The following NKAIN2 variants were observed in gnomAD, a reference collection of about 807,000 sequenced individuals.
The protein encoded by NKAIN2 is sodium/potassium transporting ATPase interacting 2, also known as sodium/potassium-transporting ATPase subunit beta-1-interacting protein 2.
In NKAIN2, 14 loss-of-function variants were observed where a neutral mutation model predicts 32.6. The observed-to-expected ratio is 0.43, with a 90% CI of 0.28 to 0.67. The LOEUF (loss-of-function observed/expected upper bound fraction) is 0.67, where lower values mean the gene tolerates loss of function less well. Among genes scored for constraint, NKAIN2 ranks in the 30% least tolerant of loss-of-function variants. The pLI, the probability that NKAIN2 is intolerant of heterozygous loss-of-function variation, is 0.17. For missense variants in NKAIN2, 198 were observed against 258.3 expected, an observed-to-expected ratio of 0.77 and a Z score of 1.60; for synonymous variants, 80 against 87.2, an observed-to-expected ratio of 0.92 and a Z score of 0.46.
At chr6:124,373,955 G>A (rs544292291) in intron 3 of NKAIN2, among the ~76,000 whole-genome samples, 13 of 152,172 alleles carry the variant, frequency 8.5e-5, no homozygotes, top group Middle Eastern at 3.4e-3. Flanking sequence ...AGGAGTCCAG[G>A]GAGGTTTGTT....
intron 1 of NKAIN2, among the ~76,000 whole-genome samples, chr6:124,067,688 T>G (rs1223188393): frequency 6.6e-6 from 1 of 152,166 alleles, no homozygotes; most frequent in Admixed American, 6.6e-5. Context: ...AAAACATCAG[T>G]ATGATAATAT....
At chr6:123,949,653 A>T (rs1414898981) in intron 1 of NKAIN2, among the ~76,000 whole-genome samples, 5 of 151,958 alleles carry the variant, frequency 3.3e-5, no homozygotes, top group African/African-American at 1.2e-4. Flanking sequence ...TTTATTTTGT[A>T]TCCTGCAACT....
At chr6:124,786,224 C>A (rs1212771831) in intron 4 of NKAIN2, among the ~76,000 whole-genome samples, 1 of 151,946 alleles carries the variant, frequency 6.6e-6, no homozygotes, top group Non-Finnish European at 1.5e-5. Context: ...TAATGGAATT[C>A]ACCCTCATGT....
intron 1 of NKAIN2, among the ~76,000 whole-genome samples, chr6:124,078,501 A>G (rs539804276): frequency 2.6e-5 from 4 of 152,294 alleles, no homozygotes; most frequent in Non-Finnish European, 4.4e-5. Flanking sequence ...TAGAGAGGTT[A>G]AGTAATATGA....
chr6:124,465,748 A>G (rs1399244522), intron 3 of NKAIN2, among the ~76,000 whole-genome samples: 3 of 152,120 alleles, frequency 2.0e-5, no homozygotes, highest in African/African-American at 7.2e-5. Context: ...AATGCTGTCA[A>G]CCTGTAAACA....
At chr6:124,151,759 G>A (rs1787736597) in intron 1 of NKAIN2, among the ~76,000 whole-genome samples, 1 of 151,856 alleles carries the variant, frequency 6.6e-6, no homozygotes, top group African/African-American at 2.4e-5. Flanking sequence ...CGATGTAAGT[G>A]CTTTTTAATA....
chr6:123,837,160 T>C (rs1774662962), intron 1 of NKAIN2, among the ~76,000 whole-genome samples: 2 of 152,190 alleles, frequency 1.3e-5, no homozygotes, highest in Admixed American at 6.5e-5. Flanking sequence ...AAATGTATGG[T>C]TGGTATTTTA....
At chr6:124,556,685 T>C (rs1004436962) in intron 3 of NKAIN2, among the ~76,000 whole-genome samples, 21 of 152,188 alleles carry the variant, frequency 1.4e-4, no homozygotes, top group Non-Finnish European at 7.3e-5. Context: ...ACTAAGACAG[T>C]AGGGTATAAT....
intron 1 of NKAIN2, among the ~76,000 whole-genome samples, chr6:123,837,957 T>G (rs1159644216): frequency 6.6e-6 from 1 of 152,166 alleles, no homozygotes; most frequent in Non-Finnish European, 1.5e-5. Flanking sequence ...GAAAGGACAG[T>G]GTGTATAAAA....
intron 1 of NKAIN2, among the ~76,000 whole-genome samples, chr6:123,891,129 C>T (rs1218011467): frequency 1.3e-5 from 2 of 152,018 alleles, no homozygotes; most frequent in African/African-American, 2.4e-5. Flanking sequence ...TATAGAGTGA[C>T]TGGAATAGGC....
intron 3 of NKAIN2, among the ~76,000 whole-genome samples, chr6:124,404,857 T>C (rs954440835): frequency 3.3e-5 from 5 of 152,174 alleles, no homozygotes; most frequent in Non-Finnish European, 7.4e-5. Flanking sequence ...TTCATTTCAT[T>C]CTCAAATGAA....
chr6:124,021,878 A>AT lies in NKAIN2; in HGVS notation c.54+217627dup, dbSNP rs552661389. Reference sequence around the variant, plus strand: ...AATTGAACCCATGTAAAACCTAGGCATTTGGTAATCATACTCTTTTTTTAT... The same window carrying AT: ...AATTGAACCCATGTAAAACCTAGGCATTTTGGTAATCATACTCTTTTTTTAT... On this transcript the variant is annotated intron_variant, in intron 1 of 6. Coordinates refer to ENST00000368417, the MANE Select transcript of NKAIN2 (RefSeq NM_001040214.3). Among the ~76,000 whole-genome samples the AT allele has an allele frequency of 5.2e-3, 791 of 152,250 alleles. 9 individuals are homozygous for AT. Among genetic ancestry groups the AT allele is most frequent in the African/African-American group, 0.018 (745 of 41,552 alleles).
intron 5 of NKAIN2, among the ~76,000 whole-genome samples, chr6:124,817,555 C>T (rs1056249243): frequency 5.3e-5 from 8 of 152,146 alleles, no homozygotes; most frequent in African/African-American, 1.7e-4. Flanking sequence ...GTGCATGACA[C>T]TTTTATGGTC....
In NKAIN2 at chr6:124,477,983, C is replaced by T. The variant is rs116933771; in HGVS notation, c.273+122636C>T. 2.1e-3 allele frequency among the ~76,000 whole-genome samples: 321 copies of T among 151,754 alleles called. 10 individuals are homozygous for T. The East Asian group carries it at 0.045, about 21-fold the overall frequency. On this transcript the variant is annotated intron_variant, in intron 3 of 6. Coordinates refer to ENST00000368417, the MANE Select transcript of NKAIN2 (RefSeq NM_001040214.3). Reference sequence around the variant, plus strand: ...AGTGGTTAGAATACAAAATCAGAGACTCTCAGTTTATTTGGGGATTCTGTC... The same window carrying T: ...AGTGGTTAGAATACAAAATCAGAGATTCTCAGTTTATTTGGGGATTCTGTC...
At chr6:124,048,259 T>G (rs1202861507) in intron 1 of NKAIN2, among the ~76,000 whole-genome samples, 1 of 151,968 alleles carries the variant, frequency 6.6e-6, no homozygotes, top group Non-Finnish European at 1.5e-5. Context: ...CAAGCTATTT[T>G]GGGGCTTTTA....
At position 124,733,877 on chromosome 6, in the gene NKAIN2, T is replaced by A. The variant is rs1332967582; in HGVS notation, c.475-57462T>A. Among the ~76,000 whole-genome samples the A allele has an allele frequency of 3.9e-5, 6 of 151,912 alleles. No homozygotes were observed. In the East Asian group the frequency reaches 1.2e-3, roughly 30 times the overall value. ...TACACACACATATTTTCTTGCACTG[T>A]CAGTTGACAGGGCCTAAAGCAATGA... is the stretch of plus-strand genomic sequence containing the variant. On this transcript the variant is annotated intron_variant, in intron 4 of 6. Coordinates refer to ENST00000368417, the MANE Select transcript of NKAIN2 (RefSeq NM_001040214.3).
chr6:124,723,791 G>A (rs1473615152), intron 4 of NKAIN2, among the ~76,000 whole-genome samples: 1 of 152,204 alleles, frequency 6.6e-6, no homozygotes, highest in Non-Finnish European at 1.5e-5. Flanking sequence ...TACTTGTGCT[G>A]ATTTTGCTTC....
chr6:124,008,465 A>G (rs1026599622), intron 1 of NKAIN2, among the ~76,000 whole-genome samples: 6 of 147,654 alleles, frequency 4.1e-5, no homozygotes, highest in Non-Finnish European at 7.4e-5. Context: ...TGCATCTTTT[A>G]TTCCCTAAAG....
chr6:124,609,659 G>A (rs988547397), intron 3 of NKAIN2, among the ~76,000 whole-genome samples: 1 of 151,712 alleles, frequency 6.6e-6, no homozygotes, highest in Non-Finnish European at 1.5e-5. Context: ...CCCCCCTCCG[G>A]AAGCCCCACA....
Sources: allele counts gnomAD v4.1 joint callset (sites outside exome capture counted in the v4.1 genomes callset), GRCh38; gene constraint gnomAD v4.1.1; transcripts MANE v1.5; gene names NCBI Gene and HGNC (gene_info 2026-07-23, HGNC 2026-07-21).